SLC60A1: variants seen among roughly 807,000 people sequenced by gnomAD.
SLC60A1 encodes major facilitator superfamily domain containing 4.
At chr1:205,583,855 T>C in the SLC60A1 span, 1 of 1,411,980 alleles carries the variant, frequency 7.1e-7, no homozygotes, top group South Asian at 1.5e-5. Context: ...AAAAGAGCTG[T>C]CTTCTCCCAG....
At chr1:205,581,913 C>T in the SLC60A1 span, among the ~76,000 whole-genome samples, 2 of 152,178 alleles carry the variant, frequency 1.3e-5, no homozygotes, top group African/African-American at 4.8e-5. The surrounding 1 kb of genome is among the most constrained non-coding windows in gnomAD (Gnocchi z 4.2). Context: ...ATGCCATCAC[C>T]AGCTCAAAGC....
the SLC60A1 span, chr1:205,597,891 G>C: frequency 6.3e-7 from 1 of 1,589,638 alleles, no homozygotes; most frequent in Non-Finnish European, 8.6e-7. Context: ...CATTTGGGGA[G>C]CACTCCTCTG....
the SLC60A1 span, among the ~76,000 whole-genome samples, chr1:205,571,421 T>C: frequency 2.0e-5 from 3 of 152,186 alleles, no homozygotes; most frequent in Non-Finnish European, 4.4e-5. Context: ...GGGCTGGGTA[T>C]TCCTGAGCTC....
chr1:205,588,104 G>T, the SLC60A1 span, among the ~76,000 whole-genome samples: 1 of 152,112 alleles, frequency 6.6e-6, no homozygotes, highest in African/African-American at 2.4e-5. Context: ...CATCCAGCAA[G>T]CTCAGGAAAA....
chr1:205,586,052 G>A, the SLC60A1 span: 14 of 1,604,942 alleles, frequency 8.7e-6, no homozygotes, highest in East Asian at 6.7e-5. Context: ...TTCCGCCTTC[G>A]TGTACAGCTA....
chr1:205,597,974 C>G, the SLC60A1 span: 1 of 1,007,114 alleles, frequency 9.9e-7, no homozygotes. Context: ...GCAAAGCCAG[C>G]AGGGCCCCCT....
chr1:205,600,662 A>C, the SLC60A1 span: 27 of 572,190 alleles, frequency 4.7e-5, no homozygotes, highest in Non-Finnish European at 8.1e-5. Flanking sequence ...TGGCTTCTCA[A>C]GTTATCTTCT....
At chr1:205,579,495 A>C in the SLC60A1 span, 41 of 579,776 alleles carry the variant, frequency 7.1e-5, no homozygotes, top group Admixed American at 8.9e-4. Context: ...AATAACGTGC[A>C]ATTGTTTGTA....
the SLC60A1 span, chr1:205,584,263 C>T: frequency 2.9e-6 from 3 of 1,023,816 alleles, no homozygotes; most frequent in Admixed American, 3.0e-5. Flanking sequence ...CTCTCGTCGC[C>T]CAGGCTGGAG....
At chr1:205,589,380 G>C in the SLC60A1 span, among the ~76,000 whole-genome samples, 1 of 152,152 alleles carries the variant, frequency 6.6e-6, no homozygotes, top group Non-Finnish European at 1.5e-5. Flanking sequence ...TGAGGATGGG[G>C]AAGTAAACAG....
chr1:205,585,687 T>A, the SLC60A1 span, among the ~76,000 whole-genome samples: 1 of 2,556 alleles, frequency 3.9e-4, no homozygotes, highest in Non-Finnish European at 4.3e-3. The surrounding 1 kb of genome is among the most constrained non-coding windows in gnomAD (Gnocchi z 4.2). Flanking sequence ...TGCACACACC[T>A]TTTTTTTTTT....
the SLC60A1 span, among the ~76,000 whole-genome samples, chr1:205,597,373 G>GTTTTTTGTT: frequency 1.6e-4 from 6 of 37,228 alleles, 1 homozygote; most frequent in African/African-American, 2.0e-4. Context: ...AACCTAGGTT[G>GTTTTTTGTT]TTTTTTTTTT....
chr1:205,592,126 C>T, the SLC60A1 span: 10 of 1,613,856 alleles, frequency 6.2e-6, no homozygotes, highest in South Asian at 5.5e-5. Context: ...CCGCCTCCAC[C>T]TCTGCCGCGA....
At chr1:205,591,619 G>T in the SLC60A1 span, among the ~76,000 whole-genome samples, 1 of 152,116 alleles carries the variant, frequency 6.6e-6, no homozygotes, top group Non-Finnish European at 1.5e-5. Flanking sequence ...CTCTCCCTGG[G>T]TGGCTGGCTA....
chr1:205,584,936 T>C, the SLC60A1 span: 1 of 1,614,038 alleles, frequency 6.2e-7, no homozygotes. Flanking sequence ...CCTTATTCCT[T>C]CTTTGCCATC....
the SLC60A1 span, among the ~76,000 whole-genome samples, chr1:205,586,447 T>G: frequency 6.6e-6 from 1 of 152,088 alleles, no homozygotes; most frequent in Admixed American, 6.5e-5. Context: ...CTTATACCCT[T>G]AAAACATAAA....
chr1:205,600,160 A>G, the SLC60A1 span: 7 of 446,216 alleles, frequency 1.6e-5, no homozygotes, highest in East Asian at 1.1e-4. Context: ...CATTAAATGA[A>G]TAACACTTAA....
the SLC60A1 span, among the ~76,000 whole-genome samples, chr1:205,594,518 T>C: frequency 6.6e-6 from 1 of 151,872 alleles, no homozygotes; most frequent in South Asian, 2.1e-4. Flanking sequence ...TAGCTAGGCG[T>C]GGTGGCAGGC....
chr1:205,587,375 AG>A, the SLC60A1 span, among the ~76,000 whole-genome samples: 7 of 152,206 alleles, frequency 4.6e-5, no homozygotes, highest in African/African-American at 1.4e-4. Context: ...GCAGTTTCAG[AG>A]ACAAAGATCA....
Sources: allele counts gnomAD v4.1 joint callset (sites outside exome capture counted in the v4.1 genomes callset), GRCh38; gene constraint gnomAD v4.1.1; non-coding constraint Gnocchi (gnomAD v3.1); transcripts MANE v1.5; gene names NCBI Gene and HGNC (gene_info 2026-07-23, HGNC 2026-07-21).